USP2: variants seen among roughly 807,000 people sequenced by gnomAD.
USP2 encodes the protein ubiquitin specific peptidase 2.
Under a neutral mutation model 72.0 loss-of-function variants are expected in USP2, and 33 were observed. That is an observed-to-expected ratio of 0.46 (90% CI 0.35 to 0.61). The LOEUF (loss-of-function observed/expected upper bound fraction) is 0.61, where lower values mean the gene tolerates loss of function less well. Ranked by LOEUF, USP2 falls within the 20% of genes least tolerant of loss-of-function variation. The pLI, the probability that USP2 is intolerant of heterozygous loss-of-function variation, is 0.01. For missense variants in USP2, 691 were observed against 797.8 expected (o/e 0.87, Z 1.61); for synonymous variants, 296 against 312.5 (o/e 0.95, Z 0.56).
At position 119,359,287 on chromosome 11, in the gene USP2, G is replaced by A; in HGVS notation, c.1005C>T (p.Ser335=). ...IWTSSPNDVV[S]PSEFKTQIQR... is the part of the protein sequence containing the mutation. ...GGATCTGGGTCTTGAACTCAGATGG[G>A]CTCACCACATCATTGGGGGATGAAG... Residue 335 remains serine (S), a synonymous_variant, in exon 5 of 13, where the codon AGC becomes AGT. Coordinates refer to ENST00000260187, the MANE Select transcript of USP2 (RefSeq NM_004205.5). The A allele has an allele frequency of 6.2e-7, 1 of 1,613,984 alleles. No homozygotes were observed. Among genetic ancestry groups the A allele is most frequent in the South Asian group, 1.1e-5 (1 of 91,080 alleles).
At chr11:119,378,413 C>T (rs1951026664) in intron 1 of USP2, among the ~76,000 whole-genome samples, 1 of 152,196 alleles carries the variant, frequency 6.6e-6, no homozygotes, top group Non-Finnish European at 1.5e-5. Context: ...GCCTCCTCCC[C>T]TCCAGCCTGT....
chr11:119,372,976 T>C lies in USP2; in HGVS notation c.505A>G (p.Ser169Gly). The change falls in exon 2 of 13, where the codon AGC (serine) becomes GGC (glycine). Residue 169 changes from serine (S) to glycine (G), a missense_variant. Transcript: ENST00000260187. ...YRIDPRNLGR[S>G]PMLARTRKEL... ...TTGCGCGTCCGGGCCAGCATGGGGC[T>C]GCGGCCCAGGTTCCTGGGGTCTATC... 6.2e-7 allele frequency: 1 copy of C among 1,613,828 alleles called. No individual in the cohort carries two copies. Among genetic ancestry groups the C allele is most frequent in the South Asian group, 1.1e-5 (1 of 91,082 alleles).
chr11:119,356,427 C>T lies in USP2; in HGVS notation c.*408G>A, dbSNP rs1950652464. 6.0e-6 allele frequency: 1 copy of T among 167,954 alleles called. No individual in the cohort carries two copies. The highest frequency in any genetic ancestry group is 6.1e-5 in the Admixed American group (1 of 16,304). The allele number at this position is 167,954 out of a possible 1,614,324, so 10.4% of individuals were successfully genotyped here. A position where few individuals can be genotyped will look rare whatever the true frequency, so the allele number is the denominator to read the frequency against. ...GTGGAGATGGGCGCCGGCTCCTCCG[C>T]GGCGCGGGCGTCCAGGCGGTGATGC... On this transcript the variant is annotated 3_prime_UTR_variant, in exon 13 of 13. Transcript: ENST00000260187.
chr11:119,371,267 C>T (rs1950922436), intron 2 of USP2, among the ~76,000 whole-genome samples: 1 of 152,066 alleles, frequency 6.6e-6, no homozygotes, highest in Non-Finnish European at 1.5e-5. Context: ...TTCTAGGACC[C>T]GAGCCCCTCC....
intron 2 of USP2, among the ~76,000 whole-genome samples, chr11:119,368,039 C>CT (rs1670764603): frequency 6.6e-6 from 1 of 152,186 alleles, no homozygotes; most frequent in Non-Finnish European, 1.5e-5. Context: ...AAGGCAGTAC[C>CT]AAGGCTAACG....
intron 7 of USP2, 42 bp from the exon 8 acceptor site, chr11:119,358,294 A>C: frequency 6.3e-7 from 1 of 1,578,204 alleles, no homozygotes. Flanking sequence ...TACAGGAAGT[A>C]GAGCATGGTC....
intron 2 of USP2, among the ~76,000 whole-genome samples, chr11:119,365,933 C>A (rs1324339131): frequency 6.7e-6 from 1 of 148,490 alleles, no homozygotes; most frequent in African/African-American, 2.5e-5. Flanking sequence ...CTTGCTCTGT[C>A]GCCCAGGCTG....
intron 1 of USP2, among the ~76,000 whole-genome samples, chr11:119,377,829 C>T (rs899939721): frequency 6.6e-6 from 1 of 152,138 alleles, no homozygotes; most frequent in African/African-American, 2.4e-5. Context: ...GGACTTGCTC[C>T]CCAGGAATTC....
intron 12 of USP2, 35 bp from the exon 13 acceptor site, chr11:119,356,957 C>T: frequency 6.5e-7 from 1 of 1,547,758 alleles, no homozygotes; most frequent in Non-Finnish European, 8.7e-7. Context: ...CCGGAGCGGG[C>T]AGGACCGGGA....
rs1400310785 is a variant in USP2 at position 119,356,812 on chromosome 11, G to A, written c.*23C>T. The A allele has an allele frequency of 9.7e-6, 15 of 1,548,558 alleles. No homozygotes were observed. The highest frequency in any genetic ancestry group is 1.3e-5 in the Non-Finnish European group (15 of 1,145,532). On this transcript the variant is annotated 3_prime_UTR_variant, in exon 13 of 13. Transcript: ENST00000260187. ...GGGAGCGGGGCCACCACGGGGAAGGGAGAAGGGACGTGGCTCCTGGCGCTA... is the reference window on the plus strand; with the variant it reads ...GGGAGCGGGGCCACCACGGGGAAGGAAGAAGGGACGTGGCTCCTGGCGCTA...
chr11:119,366,587 C>T (rs1950855459), intron 2 of USP2, among the ~76,000 whole-genome samples: 1 of 151,884 alleles, frequency 6.6e-6, no homozygotes, highest in African/African-American at 2.4e-5. Context: ...GAAACCTCCT[C>T]AAGGGCAGGG....
chr11:119,381,334 G>A, intron 1 of USP2, 139 bp downstream of exon 1: 1 of 951,416 alleles, frequency 1.1e-6, no homozygotes. Context: ...CAGCTGGAGC[G>A]TCCCTGCACA....
rs1241001719 is a variant in USP2, at chr11:119,356,884, T to C, written c.1769A>G (p.Asp590Gly). The C allele has an allele frequency of 6.4e-7, 1 of 1,565,074 alleles. No individual in the cohort carries two copies. The highest frequency in any genetic ancestry group is 2.1e-4 in the Middle Eastern group (1 of 4,738). Residue 590 changes from aspartate to glycine, a missense_variant, in exon 13 of 13, where the codon GAC becomes GGC. Asp to Gly is a moderately conservative substitution (Grantham distance 94). Coordinates refer to ENST00000260187, the MANE Select transcript of USP2 (RefSeq NM_004205.5). The part of the protein sequence containing the change: ...PMSSSQVRTS[D>G]AYLLFYELAS... ...CAGTTCGTAGAAGAGCAGGTAGGCGTCGCTGGTGCGCACTTGGCTGGAGGA... is the reference window on the plus strand; with the variant it reads ...CAGTTCGTAGAAGAGCAGGTAGGCGCCGCTGGTGCGCACTTGGCTGGAGGA...
chr11:119,376,276 C>T, intron 1 of USP2: 3 of 985,680 alleles, frequency 3.0e-6, no homozygotes, highest in Non-Finnish European at 2.4e-6. Context: ...GGAGAGCGGG[C>T]TGGGGCCCTG....
chr11:119,379,446 G>C (rs1463100156), intron 1 of USP2: 1 of 379,956 alleles, frequency 2.6e-6, no homozygotes, highest in African/African-American at 2.2e-5. Context: ...TTAGAGAACA[G>C]GAAGAAGCCA....
At chr11:119,357,866 TG>T in intron 9 of USP2, 31 bp from the exon 10 acceptor site, 1 of 1,614,010 alleles carries the variant, frequency 6.2e-7, no homozygotes, top group Non-Finnish European at 8.5e-7. Flanking sequence ...AAAGAACTTG[TG>T]GGGAAGTCAG....
At chr11:119,375,101 C>G (rs969828706) in intron 1 of USP2, among the ~76,000 whole-genome samples, 1 of 152,222 alleles carries the variant, frequency 6.6e-6, no homozygotes, top group African/African-American at 2.4e-5. Context: ...GCTTGGGATG[C>G]CAGGCCTCCC....
intron 2 of USP2, among the ~76,000 whole-genome samples, chr11:119,362,933 A>T (rs977138716): frequency 6.6e-6 from 1 of 152,168 alleles, no homozygotes; most frequent in Non-Finnish European, 1.5e-5. Flanking sequence ...GACAGCTTTC[A>T]CCTTCTAGAG....
intron 4 of USP2, 34 bp downstream of exon 4, chr11:119,359,503 G>A: frequency 3.7e-6 from 6 of 1,612,454 alleles, no homozygotes; most frequent in Non-Finnish European, 1.7e-6. Flanking sequence ...AGCATCCGGG[G>A]GTAGGCAGGG....
Sources: gnomAD v4.1 joint callset for allele counts (sites outside exome capture counted in the v4.1 genomes callset) on GRCh38, gnomAD v4.1.1 for gene constraint, MANE v1.5 for transcripts, NCBI Gene and HGNC (gene_info 2026-07-23, HGNC 2026-07-21) for gene names.